Variants in CLASP1 observed in about 807,000 individuals in gnomAD.
CLASP1 encodes the protein CLIP-associating protein 1.
A neutral mutation model predicts 192.3 loss-of-function variants in CLASP1; 38 were observed. The ratio of observed to expected loss-of-function variants is 0.20; its 90% confidence interval spans 0.15 to 0.26. CLASP1 has a LOEUF of 0.26. CLASP1 is among the 10% of genes least tolerant of loss of function. The pLI, the probability that CLASP1 is intolerant of heterozygous loss-of-function variation, is 1.00. For missense variants in CLASP1, 1,433 were observed against 1,932.5 expected, an observed-to-expected ratio of 0.74 and a Z score of 4.85; for synonymous variants, 691 against 712.8, an observed-to-expected ratio of 0.97 and a Z score of 0.49.
At chr2:121,569,560 A>G (rs1406977623) in intron 2 of CLASP1, among the ~76,000 whole-genome samples, 1 of 152,206 alleles carries the variant, frequency 6.6e-6, no homozygotes, top group Non-Finnish European at 1.5e-5. Flanking sequence ...TGATGTTAAA[A>G]GATTTCTTAC....
In CLASP1 at chr2:121,462,320, G is replaced by A. The variant is rs185526094; in HGVS notation, c.939+212C>T. ...CCTGATCCATAAACTTAATAATAGA[G>A]CAACCAATGTCTTTCCCGTTCTTAC... is the stretch of plus-strand genomic sequence containing the variant. On this transcript the variant is annotated intron_variant, in intron 10 of 39. Transcript: ENST00000263710. 1.3e-4 allele frequency among the ~76,000 whole-genome samples: 20 copies of A among 151,966 alleles called. No homozygotes were observed. The East Asian group carries it at 2.1e-3, about 16-fold the overall frequency.
intron 9 of CLASP1, among the ~76,000 whole-genome samples, chr2:121,463,892 T>C (rs2088740862): frequency 6.6e-6 from 1 of 151,994 alleles, no homozygotes; most frequent in African/African-American, 2.4e-5. Flanking sequence ...ATGTGCACAA[T>C]GTGCCGGTTA....
At chr2:121,586,224 T>A (rs774585732) in intron 2 of CLASP1, among the ~76,000 whole-genome samples, 1 of 152,234 alleles carries the variant, frequency 6.6e-6, no homozygotes, top group East Asian at 1.9e-4. Flanking sequence ...GCCTCCCAGT[T>A]CAAGCAATTC....
intron 1 of CLASP1, among the ~76,000 whole-genome samples, chr2:121,639,427 C>T (rs2071586263): frequency 6.6e-6 from 1 of 152,048 alleles, no homozygotes; most frequent in South Asian, 2.1e-4. Flanking sequence ...TTACCAGGTG[C>T]TGGGAGACAG....
At chr2:121,531,866 C>CAA (rs11376040) in intron 2 of CLASP1, among the ~76,000 whole-genome samples, 61 of 142,538 alleles carry the variant, frequency 4.3e-4, no homozygotes, top group African/African-American at 1.2e-3. Flanking sequence ...GACTCGGTCT[C>CAA]AAAAAAAAAA....
intron 25 of CLASP1, among the ~76,000 whole-genome samples, chr2:121,406,737 A>G (rs1016548829): frequency 1.3e-5 from 2 of 152,064 alleles, no homozygotes; most frequent in South Asian, 4.2e-4. Context: ...TTACAGATGC[A>G]TATCACCACA....
At chr2:121,578,901 C>G (rs1487955856) in intron 2 of CLASP1, among the ~76,000 whole-genome samples, 1 of 152,136 alleles carries the variant, frequency 6.6e-6, no homozygotes, top group Non-Finnish European at 1.5e-5. Flanking sequence ...CACTTATACA[C>G]TTTCCCTCTT....
chr2:121,553,757 A>G (rs1020113953), intron 2 of CLASP1, among the ~76,000 whole-genome samples: 2 of 152,246 alleles, frequency 1.3e-5, no homozygotes, highest in Non-Finnish European at 2.9e-5. Flanking sequence ...AAAGATTTGT[A>G]TCTTTAATTA....
intron 23 of CLASP1, among the ~76,000 whole-genome samples, chr2:121,417,539 A>G (rs764788601): frequency 1.3e-4 from 20 of 152,306 alleles, no homozygotes; most frequent in Non-Finnish European, 2.6e-4. Flanking sequence ...GTGACATGCA[A>G]TAGGTAAGGT....
At chr2:121,398,735 TA>T (rs2075698216) in intron 28 of CLASP1, among the ~76,000 whole-genome samples, 1 of 152,156 alleles carries the variant, frequency 6.6e-6, no homozygotes, top group Non-Finnish European at 1.5e-5. Flanking sequence ...GGATATTGCT[TA>T]AACATAAAAA....
chr2:121,616,765 C>G (rs2066536950), intron 1 of CLASP1, among the ~76,000 whole-genome samples: 1 of 152,202 alleles, frequency 6.6e-6, no homozygotes, highest in Non-Finnish European at 1.5e-5. Context: ...CTTTCCTTCT[C>G]TTTTTTCTCC....
At chr2:121,378,246 C>T (rs1168617679) in intron 33 of CLASP1, among the ~76,000 whole-genome samples, 11 of 152,190 alleles carry the variant, frequency 7.2e-5, no homozygotes, top group Admixed American at 2.6e-4. Flanking sequence ...TCATCTCACC[C>T]ATGAGCTTGC....
intron 14 of CLASP1, among the ~76,000 whole-genome samples, chr2:121,454,586 C>T (rs971745001): frequency 6.6e-6 from 1 of 152,164 alleles, no homozygotes; most frequent in Non-Finnish European, 1.5e-5. Context: ...AGAAAGTTTA[C>T]GAATTTGTAT....
At chr2:121,465,180 CAGG>C (rs1298334746) in intron 9 of CLASP1, among the ~76,000 whole-genome samples, 4 of 152,032 alleles carry the variant, frequency 2.6e-5, no homozygotes, top group Admixed American at 6.6e-5. Flanking sequence ...GGCAATTAGG[CAGG>C]AGAAGGAAAT....
At chr2:121,354,779 G>GA (rs1309579410) in intron 37 of CLASP1, among the ~76,000 whole-genome samples, 1 of 152,142 alleles carries the variant, frequency 6.6e-6, no homozygotes, top group Non-Finnish European at 1.5e-5. Context: ...TGGGAGGTGG[G>GA]AAGCAGCTCA....
intron 8 of CLASP1, among the ~76,000 whole-genome samples, chr2:121,496,428 T>A (rs1236496049): frequency 6.6e-6 from 1 of 152,232 alleles, no homozygotes; most frequent in East Asian, 1.9e-4. Context: ...TTTGCTCAGT[T>A]CTCTGTCAGC....
chr2:121,593,119 A>G (rs1214392252), intron 2 of CLASP1, among the ~76,000 whole-genome samples: 1 of 152,196 alleles, frequency 6.6e-6, no homozygotes, highest in East Asian at 1.9e-4. Context: ...CTCTTTAACC[A>G]CGTAGGAGGA....
intron 7 of CLASP1, among the ~76,000 whole-genome samples, chr2:121,513,753 A>T (rs1055690683): frequency 6.6e-6 from 1 of 152,236 alleles, no homozygotes; most frequent in Non-Finnish European, 1.5e-5. Context: ...GTAGAGTCAC[A>T]CAGGACACAT....
intron 2 of CLASP1, among the ~76,000 whole-genome samples, chr2:121,588,587 G>A (rs181488049): frequency 2.6e-4 from 39 of 152,270 alleles, no homozygotes; most frequent in Non-Finnish European, 4.4e-4. Flanking sequence ...GGCAGTGCCT[G>A]GGCATGCCTC....
Sources: allele counts gnomAD v4.1 joint callset (sites outside exome capture counted in the v4.1 genomes callset), GRCh38; gene constraint gnomAD v4.1.1; transcripts MANE v1.5; gene names NCBI Gene and HGNC (gene_info 2026-07-23, HGNC 2026-07-21).